The following TSPAN9 variants were observed in gnomAD, a reference collection of about 807,000 sequenced individuals.
The protein encoded by TSPAN9 is tetraspanin-9.
Under a neutral mutation model 31.0 loss-of-function variants are expected in TSPAN9, and 16 were observed. That is an observed-to-expected ratio of 0.52 (90% CI 0.35 to 0.78). TSPAN9 has a LOEUF of 0.78. TSPAN9 is among the 30% of genes least tolerant of loss of function. The pLI, the probability that TSPAN9 is intolerant of heterozygous loss-of-function variation, is 0.01. For missense variants in TSPAN9, 272 were observed against 312.5 expected, an observed-to-expected ratio of 0.87 and a Z score of 0.98; for synonymous variants, 145 against 121.6, an observed-to-expected ratio of 1.19 and a Z score of -1.27.
intron 3 of TSPAN9, among the ~76,000 whole-genome samples, chr12:3,230,712 T>C (rs1008562523): frequency 3.9e-5 from 6 of 152,098 alleles, no homozygotes; most frequent in Non-Finnish European, 8.8e-5. Flanking sequence ...CATGCCGGCC[T>C]GTCCCACCAG....
intron 2 of TSPAN9, among the ~76,000 whole-genome samples, chr12:3,131,343 G>A (rs1565586584): frequency 6.6e-6 from 1 of 152,146 alleles, no homozygotes; most frequent in Non-Finnish European, 1.5e-5. Flanking sequence ...CCGAAGCTGC[G>A]GCCCACGTTC....
At chr12:3,232,748 C>T (rs2098391429) in intron 3 of TSPAN9, among the ~76,000 whole-genome samples, 3 of 152,158 alleles carry the variant, frequency 2.0e-5, no homozygotes, top group East Asian at 1.9e-4. Flanking sequence ...GGGTCTGGCG[C>T]AGCCCTGGCT....
intron 3 of TSPAN9, among the ~76,000 whole-genome samples, chr12:3,227,731 C>T (rs2098388591): frequency 6.6e-6 from 1 of 152,184 alleles, no homozygotes; most frequent in Non-Finnish European, 1.5e-5. Flanking sequence ...CCATGTGAGG[C>T]AGGGGACTTA....
intron 2 of TSPAN9, among the ~76,000 whole-genome samples, chr12:3,142,325 G>A (rs1451987849): frequency 6.6e-6 from 1 of 152,098 alleles, no homozygotes; most frequent in Non-Finnish European, 1.5e-5. Flanking sequence ...TTCTCTGTCT[G>A]GGGACCCCTC....
chr12:3,206,472 G>A (rs1314754310), intron 3 of TSPAN9: 1 of 400,610 alleles, frequency 2.5e-6, no homozygotes, highest in Non-Finnish European at 5.3e-6. Context: ...AGCCCTGGTG[G>A]CCTGACTTGT....
At chr12:3,167,514 G>A (rs377667195) in intron 2 of TSPAN9, among the ~76,000 whole-genome samples, 109 of 152,320 alleles carry the variant, frequency 7.2e-4, no homozygotes, top group African/African-American at 2.6e-3. Context: ...TAATGATTAG[G>A]ATGGTGCTTG....
At chr12:3,275,706 G>T (rs1431853118) in intron 3 of TSPAN9, among the ~76,000 whole-genome samples, 1 of 152,248 alleles carries the variant, frequency 6.6e-6, no homozygotes, top group East Asian at 1.9e-4. Context: ...GTGGGTCTCA[G>T]TGTGCCCATT....
At chr12:3,175,914 A>G (rs1416365315) in intron 2 of TSPAN9, among the ~76,000 whole-genome samples, 2 of 152,190 alleles carry the variant, frequency 1.3e-5, no homozygotes, top group African/African-American at 4.8e-5. Context: ...GGCACACTGC[A>G]TATTAAACAG....
chr12:3,149,205 G>A (rs911530239), intron 2 of TSPAN9, among the ~76,000 whole-genome samples: 1 of 152,190 alleles, frequency 6.6e-6, no homozygotes, highest in African/African-American at 2.4e-5. Context: ...TGCCTCCAGG[G>A]TAGGGAGATG....
At chr12:3,221,560 T>C (rs1383433168) in intron 3 of TSPAN9, among the ~76,000 whole-genome samples, 1 of 152,150 alleles carries the variant, frequency 6.6e-6, no homozygotes, top group Non-Finnish European at 1.5e-5. Flanking sequence ...AGTTTCACCA[T>C]GTTGGCCAGG....
At chr12:3,212,548 C>T (rs1259916874) in intron 3 of TSPAN9, among the ~76,000 whole-genome samples, 3 of 152,122 alleles carry the variant, frequency 2.0e-5, no homozygotes, top group Non-Finnish European at 4.4e-5. Context: ...GCTGCGATTA[C>T]AGGTGTGAGC....
At chr12:3,269,203 T>C (rs1257282402) in intron 3 of TSPAN9, among the ~76,000 whole-genome samples, 7 of 80,890 alleles carry the variant, frequency 8.7e-5, no homozygotes, top group Admixed American at 1.2e-4. Context: ...GCCTGCCCTC[T>C]CTGTGTTCCT....
intron 2 of TSPAN9, among the ~76,000 whole-genome samples, chr12:3,141,557 T>C (rs1280533503): frequency 6.6e-6 from 1 of 152,154 alleles, no homozygotes; most frequent in Non-Finnish European, 1.5e-5. Flanking sequence ...CCCAGTGGCC[T>C]GTCCCTCATT....
intron 3 of TSPAN9, among the ~76,000 whole-genome samples, chr12:3,226,704 GTGTA>G (rs2098387412): frequency 1.7e-4 from 5 of 30,006 alleles, no homozygotes; most frequent in African/African-American, 6.8e-4. Context: ...GTGTGTGTGT[GTGTA>G]TGTGTATGTA....
At chr12:3,138,831 T>G (rs2098333369) in intron 2 of TSPAN9, among the ~76,000 whole-genome samples, 1 of 152,164 alleles carries the variant, frequency 6.6e-6, no homozygotes, top group Non-Finnish European at 1.5e-5. Flanking sequence ...TGCTTGGCTT[T>G]CTTTCCCTGC....
chr12:3,228,340 G>C lies in TSPAN9; in HGVS notation c.63+27084G>C, dbSNP rs550086874. 7.9e-5 allele frequency among the ~76,000 whole-genome samples: 12 copies of C among 152,318 alleles called. No individual in the cohort carries two copies. The East Asian group carries it at 2.3e-3, about 29-fold the overall frequency. ...TGATTGCACCACTGCGCTCCAGCCT[G>C]AACAACAGAGCCAGACCCTCTCTCT... On this transcript the variant is annotated intron_variant, in intron 3 of 8. Coordinates refer to ENST00000011898, the MANE Select transcript of TSPAN9 (RefSeq NM_006675.5).
At position 3,196,333 on chromosome 12, in the gene TSPAN9, C is replaced by T. The variant is rs1469976090; in HGVS notation, c.-17-4844C>T. Among the ~76,000 whole-genome samples the T allele has an allele frequency of 2.6e-5, 4 of 152,182 alleles. No homozygotes were observed. In the East Asian group the frequency reaches 7.7e-4, roughly 29 times the overall value. On this transcript the variant is annotated intron_variant, in intron 2 of 8. Transcript: ENST00000011898. ...CTTATTAGCAGTCCAGGAGCACTGC[C>T]CCTTCCTCAGGGTCCTTTCATCTAA...
chr12:3,140,543 A>G lies in TSPAN9; in HGVS notation c.-18+56824A>G, dbSNP rs1591645021. Among the ~76,000 whole-genome samples, 4 of 152,182 alleles carry G rather than the reference A, an allele frequency of 2.6e-5. No homozygotes were observed. In the South Asian group the frequency reaches 8.3e-4, roughly 32 times the overall value. ...GAGGAGTCCCTGCAGGGAAGTTCAGAGGGTTTCTTAGGAGCAGCTGAAGGG... is the reference window on the plus strand; with the variant it reads ...GAGGAGTCCCTGCAGGGAAGTTCAGGGGGTTTCTTAGGAGCAGCTGAAGGG... On this transcript the variant is annotated intron_variant, in intron 2 of 8. Coordinates refer to ENST00000011898, the MANE Select transcript of TSPAN9 (RefSeq NM_006675.5).
At chr12:3,268,202 CTG>C (rs1324941399) in intron 3 of TSPAN9, among the ~76,000 whole-genome samples, 4 of 146,142 alleles carry the variant, frequency 2.7e-5, no homozygotes, top group South Asian at 2.3e-4. Context: ...AGCCTGCCCT[CTG>C]TGCGTTCCTG....
Sources: gnomAD v4.1 joint callset for allele counts (sites outside exome capture counted in the v4.1 genomes callset) on GRCh38, gnomAD v4.1.1 for gene constraint, MANE v1.5 for transcripts, NCBI Gene and HGNC (gene_info 2026-07-23, HGNC 2026-07-21) for gene names.